The following ZFAT variants were observed in gnomAD, a reference collection of about 807,000 sequenced individuals.
ZFAT encodes the protein zinc finger and AT-hook domain containing.
ZFAT carries 64 observed loss-of-function variants against 117.7 expected under a neutral mutation model. That is an observed-to-expected ratio of 0.54 (90% CI 0.44 to 0.67). ZFAT has a LOEUF of 0.67. ZFAT is among the 30% of genes least tolerant of loss of function. ZFAT has a pLI of 0.00. For missense variants in ZFAT, 1,433 were observed against 1,584.5 expected (o/e 0.90, Z 1.62); for synonymous variants, 679 against 615.0 (o/e 1.10, Z -1.54).
chr8:134,542,836 G>A (rs1822369894), intron 11 of ZFAT, among the ~76,000 whole-genome samples: 1 of 152,216 alleles, frequency 6.6e-6, no homozygotes, highest in African/African-American at 2.4e-5. Flanking sequence ...GTGACACTCA[G>A]CCAGATACAT....
chr8:134,681,694 A>G (rs567859359), intron 1 of ZFAT, among the ~76,000 whole-genome samples: 214 of 152,296 alleles, frequency 1.4e-3, no homozygotes, highest in Non-Finnish European at 2.4e-3. Context: ...ACCAAAACTA[A>G]GATCCTATTA....
chr8:134,810,626 A>C, the ZFAT span, among the ~76,000 whole-genome samples: 1 of 152,180 alleles, frequency 6.6e-6, no homozygotes, highest in African/African-American at 2.4e-5. Flanking sequence ...TAGCTATGTA[A>C]TCTTGAGTAA....
At chr8:134,601,083 T>C (rs1827406328) in intron 6 of ZFAT, among the ~76,000 whole-genome samples, 2 of 152,244 alleles carry the variant, frequency 1.3e-5, no homozygotes, top group African/African-American at 4.8e-5. Context: ...AGTTGCAGGG[T>C]GCTATTTGGG....
At chr8:134,712,716 T>TCCGCGGC in intron 1 of ZFAT, 129 bp downstream of exon 1, 1 of 736,484 alleles carries the variant, frequency 1.4e-6, no homozygotes, top group South Asian at 2.3e-5. Context: ...CCCGGATCCC[T>TCCGCGGC]CCGCGGCCGG....
intron 15 of ZFAT, among the ~76,000 whole-genome samples, chr8:134,503,673 A>T (rs1433997915): frequency 6.6e-6 from 1 of 152,182 alleles, no homozygotes; most frequent in Non-Finnish European, 1.5e-5. Flanking sequence ...AGAATTAAAA[A>T]GGTGACCCTC....
intron 1 of ZFAT, among the ~76,000 whole-genome samples, chr8:134,668,964 T>C (rs995702034): frequency 6.6e-6 from 1 of 152,178 alleles, no homozygotes; most frequent in Non-Finnish European, 1.5e-5. Context: ...TGCACAAGTT[T>C]CAGTAGCCGA....
At chr8:134,668,884 T>C (rs998071186) in intron 1 of ZFAT, among the ~76,000 whole-genome samples, 1 of 152,086 alleles carries the variant, frequency 6.6e-6, no homozygotes, top group Admixed American at 6.6e-5. Context: ...CTAACTAGAA[T>C]AATGAGTGTA....
chr8:134,664,143 C>A (rs555234799), intron 1 of ZFAT, among the ~76,000 whole-genome samples: 1 of 152,070 alleles, frequency 6.6e-6, no homozygotes, highest in South Asian at 2.1e-4. Flanking sequence ...CCCCACTCCA[C>A]CCCTATGAAC....
chr8:134,713,128 G>A (rs1814092216), upstream of ZFAT: 4 of 377,308 alleles, frequency 1.1e-5, no homozygotes, highest in African/African-American at 2.1e-5. Flanking sequence ...GCCCGGCAGG[G>A]CCGAGCTAAC....
At chr8:134,726,870 G>A in the ZFAT span, among the ~76,000 whole-genome samples, 1 of 152,156 alleles carries the variant, frequency 6.6e-6, no homozygotes, top group Admixed American at 6.5e-5. Flanking sequence ...CCAAAATGCT[G>A]GAATTTATAG....
the ZFAT span, among the ~76,000 whole-genome samples, chr8:134,806,920 G>A: frequency 6.6e-6 from 1 of 152,182 alleles, no homozygotes; most frequent in Non-Finnish European, 1.5e-5. Context: ...TGAGGGGATA[G>A]CTGAAGCTAA....
intron 5 of ZFAT, among the ~76,000 whole-genome samples, chr8:134,607,898 A>AAC (rs1828014678): frequency 6.6e-6 from 1 of 152,228 alleles, no homozygotes; most frequent in Admixed American, 6.5e-5. Context: ...GTGTATCTGG[A>AAC]GGACAGTTTT....
At chr8:134,522,903 G>C (rs558863127) in intron 12 of ZFAT, among the ~76,000 whole-genome samples, 1 of 152,078 alleles carries the variant, frequency 6.6e-6, no homozygotes, top group Non-Finnish European at 1.5e-5. Flanking sequence ...GCTTCACAAT[G>C]AGAATATCAG....
At chr8:134,524,620 G>A (rs965909638) in intron 12 of ZFAT, among the ~76,000 whole-genome samples, 1 of 152,074 alleles carries the variant, frequency 6.6e-6, no homozygotes, top group African/African-American at 2.4e-5. Flanking sequence ...TAGAGGCCAG[G>A]GATGCTGCTA....
intron 1 of ZFAT, among the ~76,000 whole-genome samples, chr8:134,694,445 G>A (rs965213018): frequency 6.6e-6 from 1 of 152,168 alleles, no homozygotes; most frequent in African/African-American, 2.4e-5. Flanking sequence ...TAACACTCAG[G>A]AGACTGAGTG....
chr8:134,705,538 A>T (rs140703401), intron 1 of ZFAT, among the ~76,000 whole-genome samples: 25 of 150,942 alleles, frequency 1.7e-4, no homozygotes, highest in East Asian at 3.9e-4. Flanking sequence ...TTTTATTTTT[A>T]ATTTTTTTTG....
chr8:134,528,009 A>C (rs930532083), intron 12 of ZFAT, among the ~76,000 whole-genome samples: 2 of 152,250 alleles, frequency 1.3e-5, no homozygotes, highest in Non-Finnish European at 2.9e-5. Context: ...AACAGTATCC[A>C]TGTGTGTGAC....
chr8:134,501,571 T>C (rs1818979805), intron 15 of ZFAT, among the ~76,000 whole-genome samples: 1 of 152,166 alleles, frequency 6.6e-6, no homozygotes, highest in African/African-American at 2.4e-5. Flanking sequence ...CAACTGAAGA[T>C]GCTAGGGTTC....
intron 2 of ZFAT, among the ~76,000 whole-genome samples, chr8:134,653,962 C>T (rs1046619557): frequency 3.3e-5 from 5 of 152,174 alleles, no homozygotes; most frequent in African/African-American, 1.2e-4. Context: ...GTTAGAAAAA[C>T]GTGCTTTCCC....
Sources: gnomAD v4.1 joint callset for allele counts (sites outside exome capture counted in the v4.1 genomes callset) on GRCh38, gnomAD v4.1.1 for gene constraint, MANE v1.5 for transcripts, NCBI Gene and HGNC (gene_info 2026-07-23, HGNC 2026-07-21) for gene names.